Variants in SERPINA1 observed in about 807,000 individuals in gnomAD.
The protein encoded by SERPINA1 is alpha-1-antitrypsin.
In SERPINA1, 21 loss-of-function variants were observed where a neutral mutation model predicts 25.4. The observed-to-expected ratio is 0.83, with a 90% CI of 0.59 to 1.19. The LOEUF (loss-of-function observed/expected upper bound fraction) is 1.19, where lower values mean the gene tolerates loss of function less well. Ranked by LOEUF, SERPINA1 falls within the 50% of genes most tolerant of loss-of-function variation. The pLI, the probability that SERPINA1 is intolerant of heterozygous loss-of-function variation, is 0.00. For missense variants in SERPINA1, 546 were observed against 509.0 expected (o/e 1.07, Z -0.70); for synonymous variants, 218 against 211.1 (o/e 1.03, Z -0.29).
intron 1 of SERPINA1, among the ~76,000 whole-genome samples, chr14:94,386,864 G>A (rs529942311): frequency 5.3e-5 from 8 of 152,226 alleles, no homozygotes; most frequent in African/African-American, 1.9e-4. Flanking sequence ...CTAACACCTG[G>A]TGTTTTACAG....
chr14:94,389,352 T>C (rs1351309448), upstream of SERPINA1, among the ~76,000 whole-genome samples: 1 of 152,220 alleles, frequency 6.6e-6, no homozygotes, highest in Non-Finnish European at 1.5e-5. Context: ...GTGAAGTGCC[T>C]GGCACACAGT....
chr14:94,383,125 G>C lies in SERPINA1; in HGVS notation c.113C>G (p.Ser38Cys). ...QGDAAQKTDT[S>C]HHDQDHPTFN... ...GGTTGGGTGATCCTGATCATGGTGGGATGTATCTGTCTTCTGGGCAGCATC... is the reference window on the plus strand; with the variant it reads ...GGTTGGGTGATCCTGATCATGGTGGCATGTATCTGTCTTCTGGGCAGCATC... The change falls in exon 2 of 5, where the codon TCC becomes TGC. Residue 38 changes from serine (S) to cysteine (C), a missense_variant. Coordinates refer to ENST00000393087, the MANE Select transcript of SERPINA1 (RefSeq NM_000295.5). The C allele has an allele frequency of 6.2e-7, 1 of 1,614,238 alleles. No homozygotes were observed. Among genetic ancestry groups the C allele is most frequent in the South Asian group, 1.1e-5 (1 of 91,090 alleles).
At chr14:94,383,329 C>G in intron 1 of SERPINA1, 88 bp from the exon 2 acceptor site, 2 of 1,434,118 alleles carry the variant, frequency 1.4e-6, no homozygotes, top group Non-Finnish European at 1.9e-6. Flanking sequence ...GTGGAAGTGC[C>G]TAGGGATTAT....
intron 1 of SERPINA1, chr14:94,383,625 C>A: frequency 3.7e-6 from 1 of 273,614 alleles, no homozygotes; most frequent in Non-Finnish European, 7.0e-6. Context: ...CTCTGGACAG[C>A]AACACTTACA....
In SERPINA1 at chr14:94,378,460, T is replaced by G. The variant is rs3191200; in HGVS notation, c.1246A>C (p.Thr416Pro). 2 of 1,613,878 alleles carry G rather than the reference T, an allele frequency of 1.2e-6. No individual in the cohort carries two copies. The highest frequency in any genetic ancestry group is 1.7e-6 in the Non-Finnish European group (2 of 1,179,912). The change falls in exon 5 of 5, where the codon ACC becomes CCC. Residue 416 changes from threonine to proline, a missense_variant. By Grantham distance (38) the Thr-to-Pro change is conservative (BLOSUM62 -1). Transcript: ENST00000393087. ...GGAGCGAGAGGCAGTTATTTTTGGGTGGGATTCACCACTTTTCCCATGAAG... is the reference window on the plus strand; with the variant it reads ...GGAGCGAGAGGCAGTTATTTTTGGGGGGGATTCACCACTTTTCCCATGAAG... Reference protein sequence around the residue: ...PLFMGKVVNPTQK With the variant: ...PLFMGKVVNPPQK
In SERPINA1 at chr14:94,377,973, A is replaced by T; in HGVS notation, c.*476T>A. ...ACGATCAGGCAGTTCTGGGGCCCCC[A>T]GGAGGGCAGCCTTGGGGTGGGCACA... On this transcript the variant is annotated 3_prime_UTR_variant, in exon 5 of 5. Transcript: ENST00000393087. 1 of 178,030 alleles carries T rather than the reference A, an allele frequency of 5.6e-6. No homozygotes were observed. Among genetic ancestry groups the T allele is most frequent in the Non-Finnish European group, 1.2e-5 (1 of 86,572 alleles). 11.0% of individuals were successfully genotyped at this position (178,030 alleles called of 1,614,324 possible). A position where few individuals can be genotyped will look rare whatever the true frequency, so the allele number is the denominator to read the frequency against.
upstream of SERPINA1, chr14:94,389,135 G>T (rs1347288388): frequency 6.6e-6 from 1 of 152,290 alleles, no homozygotes; most frequent in Non-Finnish European, 1.5e-5. Flanking sequence ...TGGTCCCGAT[G>T]GAAAAATGGA....
In SERPINA1 at chr14:94,382,906, A is replaced by G; in HGVS notation, c.332T>C (p.Ile111Thr). The G allele has an allele frequency of 6.2e-7, 1 of 1,613,360 alleles. No individual in the cohort carries two copies. The highest frequency in any genetic ancestry group is 8.5e-7 in the Non-Finnish European group (1 of 1,179,360). ...LEGLNFNLTE[I>T]PEAQIHEGFQ... ...GCCTTCATGGATCTGAGCCTCCGGAATCTCCGTGAGGTTGAAATTCAGGCC... is the reference window on the plus strand; with the variant it reads ...GCCTTCATGGATCTGAGCCTCCGGAGTCTCCGTGAGGTTGAAATTCAGGCC... The change falls in exon 2 of 5, where the codon ATT becomes ACT. Residue 111 changes from isoleucine (I) to threonine (T), a missense_variant. Physicochemically the swap from Ile to Thr is moderately conservative, Grantham distance 89. Transcript: ENST00000393087.
At chr14:94,389,262 T>G (rs1009710458), upstream of SERPINA1, among the ~76,000 whole-genome samples, 1 of 152,176 alleles carries the variant, frequency 6.6e-6, no homozygotes, top group Non-Finnish European at 1.5e-5. Context: ...CCGCTTCACC[T>G]CTCTGAACCA....
chr14:94,384,525 A>G (rs1394205387), intron 1 of SERPINA1, among the ~76,000 whole-genome samples: 1 of 152,070 alleles, frequency 6.6e-6, no homozygotes, highest in African/African-American at 2.4e-5. Context: ...AGTCAACGTC[A>G]TCCACAGCAA....
chr14:94,379,294 G>T (rs1376309182), intron 4 of SERPINA1, 170 bp downstream of exon 4: 32 of 974,684 alleles, frequency 3.3e-5, no homozygotes, highest in Non-Finnish European at 4.9e-5. Context: ...GCCTGGCTTT[G>T]CTGTTTGACC....
chr14:94,381,895 C>T (rs1404749979), intron 2 of SERPINA1, among the ~76,000 whole-genome samples: 1 of 152,204 alleles, frequency 6.6e-6, no homozygotes, highest in Non-Finnish European at 1.5e-5. Flanking sequence ...TTGCCTCCCA[C>T]CTCCCCTCCC....
rs1465395828 is a variant in SERPINA1 at position 94,382,789 on chromosome 14, A to G, written c.449T>C (p.Leu150Pro). 7 of 1,614,270 alleles carry G rather than the reference A, an allele frequency of 4.3e-6. No individual in the cohort carries two copies. The highest frequency in any genetic ancestry group is 1.1e-5 in the South Asian group (1 of 91,086). Residue 150 changes from leucine to proline, a missense_variant, in exon 2 of 5, where the codon CTA becomes CCA. Leu to Pro is a moderately conservative substitution (Grantham distance 98, BLOSUM62 -3). Coordinates refer to ENST00000393087, the MANE Select transcript of SERPINA1 (RefSeq NM_000295.5). ...AACATCCTCCAAAAACTTATCCACT[A>G]GCTTCAGGCCCTCGCTGAGGAACAG... is the stretch of plus-strand genomic sequence containing the variant. Reference protein sequence around the residue: ...NGLFLSEGLKLVDKFLEDVKK... With the variant: ...NGLFLSEGLKPVDKFLEDVKK...
chr14:94,382,446 T>G, intron 2 of SERPINA1, 146 bp downstream of exon 2: 1 of 878,666 alleles, frequency 1.1e-6, no homozygotes, highest in Non-Finnish European at 1.8e-6. Flanking sequence ...CATTTTAGTG[T>G]TTGTGTGTAG....
rs773192775 is a variant in SERPINA1 at position 94,378,445 on chromosome 14, G to T, written c.*4C>A. 1.2e-6 allele frequency: 2 copies of T among 1,613,918 alleles called. No homozygotes were observed. The highest frequency in any genetic ancestry group is 4.5e-5 in the East Asian group (2 of 44,862). On this transcript the variant is annotated 3_prime_UTR_variant, in exon 5 of 5. Transcript: ENST00000393087. ...GAGGGGAGGGGTTGAGGAGCGAGAG[G>T]CAGTTATTTTTGGGTGGGATTCACC...
At chr14:94,386,163 C>A (rs1323382135) in intron 1 of SERPINA1, among the ~76,000 whole-genome samples, 1 of 152,160 alleles carries the variant, frequency 6.6e-6, no homozygotes, top group Non-Finnish European at 1.5e-5. Flanking sequence ...CCTGGGAGGG[C>A]GACTGGAGAG....
At chr14:94,379,241 C>A (rs1595600938) in intron 4 of SERPINA1, 2 of 645,160 alleles carry the variant, frequency 3.1e-6, no homozygotes, top group Non-Finnish European at 5.5e-6. Flanking sequence ...GTGACACAAC[C>A]TCAAGGGAGG....
intron 1 of SERPINA1, among the ~76,000 whole-genome samples, chr14:94,384,453 A>G (rs1472751317): frequency 6.6e-6 from 1 of 152,150 alleles, no homozygotes; most frequent in Non-Finnish European, 1.5e-5. Context: ...GGCTGAGACA[A>G]TAGGGAGTGG....
At chr14:94,378,768 C>T in intron 4 of SERPINA1, 128 bp from the exon 5 acceptor site, 1 of 991,516 alleles carries the variant, frequency 1.0e-6, no homozygotes, top group Non-Finnish European at 1.6e-6. Context: ...CCTCTCCCTC[C>T]CTGTCACATA....
Sources: gnomAD v4.1 joint callset for allele counts (sites outside exome capture counted in the v4.1 genomes callset) on GRCh38, gnomAD v4.1.1 for gene constraint, MANE v1.5 for transcripts, NCBI Gene and HGNC (gene_info 2026-07-23, HGNC 2026-07-21) for gene names.